MAD1L1: variants seen among roughly 807,000 people sequenced by gnomAD.
MAD1L1 encodes the protein mitotic spindle assembly checkpoint protein MAD1.
Under a neutral mutation model 96.9 loss-of-function variants are expected in MAD1L1, and 95 were observed. The observed-to-expected ratio is 0.98, with a 90% CI of 0.83 to 1.16. The LOEUF (loss-of-function observed/expected upper bound fraction) is 1.16. Among genes scored for constraint, MAD1L1 ranks in the 50% most tolerant of loss-of-function variants. The pLI is 0.00. For synonymous variants in MAD1L1, 473 were observed against 396.6 expected, an observed-to-expected ratio of 1.19 and a Z score of -2.29; for missense variants, 1,007 against 954.4, an observed-to-expected ratio of 1.06 and a Z score of -0.73.
chr7:1,963,835 C>T (rs1436671461), intron 15 of MAD1L1, among the ~76,000 whole-genome samples: 2 of 152,204 alleles, frequency 1.3e-5, no homozygotes, highest in South Asian at 2.1e-4. Context: ...AGGCAGGGAG[C>T]GCCGGCAGGG....
intron 10 of MAD1L1, among the ~76,000 whole-genome samples, chr7:2,211,755 G>A (rs1027790493): frequency 6.6e-6 from 1 of 152,192 alleles, no homozygotes; most frequent in African/African-American, 2.4e-5. Flanking sequence ...AAAATGAAGA[G>A]GCACTTTCAG....
At chr7:2,187,917 A>G (rs150449477) in intron 10 of MAD1L1, among the ~76,000 whole-genome samples, 42 of 152,374 alleles carry the variant, frequency 2.8e-4, no homozygotes, top group Non-Finnish European at 5.4e-4. Context: ...TTTGTTGACA[A>G]TAATAAAACT....
At chr7:1,883,174 C>T (rs1199977876) in intron 18 of MAD1L1, among the ~76,000 whole-genome samples, 1 of 149,572 alleles carries the variant, frequency 6.7e-6, no homozygotes, top group Admixed American at 6.7e-5. Flanking sequence ...CACCAAACCT[C>T]GTGTCACAAA....
intron 15 of MAD1L1, among the ~76,000 whole-genome samples, chr7:1,959,170 T>C (rs559292474): frequency 6.6e-5 from 10 of 152,134 alleles, no homozygotes; most frequent in Non-Finnish European, 1.3e-4. Flanking sequence ...AAGAATCGCT[T>C]GAACCCAGGG....
chr7:2,220,735 G>A (rs906360822), intron 5 of MAD1L1: 19 of 847,216 alleles, frequency 2.2e-5, no homozygotes, highest in Admixed American at 6.1e-5. Context: ...TGGGGGCTGC[G>A]TGCTCCCCAC....
Position 1,944,902 on chromosome 7 carries a change from A to G in MAD1L1, c.1597-8005T>C, listed in dbSNP as rs571744532. Reference sequence around the variant, plus strand: ...AAAGACCCCTGTGAGTCAGCAGCTGACAGGCAGGGGACCGGCTGGCCTGGC... The same window carrying G: ...AAAGACCCCTGTGAGTCAGCAGCTGGCAGGCAGGGGACCGGCTGGCCTGGC... On this transcript the variant is annotated intron_variant, in intron 16 of 18. Transcript: ENST00000265854. Among the ~76,000 whole-genome samples the G allele has an allele frequency of 2.8e-3, 423 of 152,324 alleles. 2 individuals are homozygous for G. The highest frequency in any genetic ancestry group is 9.7e-3 in the African/African-American group (405 of 41,570).
chr7:2,166,510 A>G (rs1251358402), intron 10 of MAD1L1, among the ~76,000 whole-genome samples: 1 of 152,226 alleles, frequency 6.6e-6, no homozygotes, highest in Non-Finnish European at 1.5e-5. Context: ...TTTCAAACAA[A>G]TGCCATAATT....
Position 2,222,754 on chromosome 7 carries a change from G to A in MAD1L1, c.292C>T (p.Arg98Cys), listed in dbSNP as rs771063059. The part of the protein sequence containing the change: ...AASTSARNYE[R>C]EVDRNQELLT... ...AGCTCCTGGTTGCGGTCGACCTCAC[G>A]CTGTTAAGAGAGCAAGAGTCAGATG... Residue 98 changes from arginine to cysteine, a missense_variant and splice_region_variant, in exon 5 of 19, where the codon CGT (arginine) becomes TGT (cysteine). By Grantham distance (180) the Arg-to-Cys change is radical. Coordinates refer to ENST00000265854, the MANE Select transcript of MAD1L1 (RefSeq NM_001013836.2). 6.9e-6 allele frequency: 11 copies of A among 1,589,880 alleles called. No individual in the cohort carries two copies. The highest frequency in any genetic ancestry group is 1.1e-5 in the South Asian group (1 of 89,486).
In MAD1L1 at chr7:2,142,902, C is replaced by T. The variant is rs957041873; in HGVS notation, c.1073+6250G>A. Among the ~76,000 whole-genome samples, 3 of 152,188 alleles carry T rather than the reference C, an allele frequency of 2.0e-5. No homozygotes were observed. The highest frequency in any genetic ancestry group is 1.3e-4 in the Admixed American group (2 of 15,290). ...ACCCACACTGATCCACGGCAAATTC[C>T]GTCACCTTGACCTCCCAGATGCCCC... is the stretch of plus-strand genomic sequence containing the variant. On this transcript the variant is annotated intron_variant, in intron 11 of 18. Transcript: ENST00000265854. The surrounding 1 kb of genome is among the most constrained non-coding windows in gnomAD (Gnocchi z 4.7).
At chr7:2,063,181 C>T (rs142996925) in intron 12 of MAD1L1, among the ~76,000 whole-genome samples, 3 of 152,262 alleles carry the variant, frequency 2.0e-5, no homozygotes, top group East Asian at 1.9e-4. Context: ...ATGATCTTTG[C>T]ACACGCAATG....
At chr7:1,939,756 C>T (rs564539352) in intron 16 of MAD1L1, among the ~76,000 whole-genome samples, 32 of 152,336 alleles carry the variant, frequency 2.1e-4, no homozygotes, top group African/African-American at 6.3e-4. Flanking sequence ...GTGAAGAGAC[C>T]GGGCGCAGTA....
intron 17 of MAD1L1, among the ~76,000 whole-genome samples, chr7:1,903,720 C>A (rs991348462): frequency 1.4e-5 from 2 of 144,302 alleles, no homozygotes; most frequent in Non-Finnish European, 3.0e-5. Context: ...CTGCTCCAGG[C>A]AGCAAGGATG....
intron 17 of MAD1L1, among the ~76,000 whole-genome samples, chr7:1,914,600 C>A (rs1403425970): frequency 6.6e-6 from 1 of 152,142 alleles, no homozygotes; most frequent in Admixed American, 6.5e-5. Context: ...AACCCGAGAT[C>A]ACATCGTGTT....
chr7:1,904,093 C>T (rs12672326), intron 17 of MAD1L1, among the ~76,000 whole-genome samples: 8 of 93,752 alleles, frequency 8.5e-5, no homozygotes, highest in Admixed American at 1.3e-4. Flanking sequence ...CTACTGAAGA[C>T]GCTCTTGCGG....
At chr7:2,149,694 T>C (rs573183943) in intron 10 of MAD1L1, among the ~76,000 whole-genome samples, 4 of 152,332 alleles carry the variant, frequency 2.6e-5, no homozygotes, top group African/African-American at 9.6e-5. Flanking sequence ...CGATTCCAGA[T>C]TGTCTCAGTG....
At position 2,146,424 on chromosome 7, in the gene MAD1L1, C is replaced by T. The variant is rs929973365; in HGVS notation, c.1073+2728G>A. 6.6e-6 allele frequency among the ~76,000 whole-genome samples: 1 copy of T among 152,194 alleles called. No homozygotes were observed. Among genetic ancestry groups the T allele is most frequent in the African/African-American group, 2.4e-5 (1 of 41,434 alleles). On this transcript the variant is annotated intron_variant, in intron 11 of 18. Coordinates refer to ENST00000265854, the MANE Select transcript of MAD1L1 (RefSeq NM_001013836.2). The surrounding 1 kb of genome is among the most constrained non-coding windows in gnomAD (Gnocchi z 6.2). ...GGGCACTGGGCTACGAGGAACAGGG[C>T]AGTGGAGCCGCACCCTGAGAAGCTC...
intron 12 of MAD1L1, among the ~76,000 whole-genome samples, chr7:2,050,138 G>A (rs55740147): frequency 5.4e-4 from 22 of 40,482 alleles, no homozygotes; most frequent in South Asian, 1.6e-3. Flanking sequence ...ACCTCACCCA[G>A]CGTCTGCGGG....
chr7:2,219,607 GA>G (rs2115002621), intron 5 of MAD1L1, 151 bp from the exon 6 acceptor site: 1 of 545,708 alleles, frequency 1.8e-6, no homozygotes, highest in African/African-American at 2.0e-5. Flanking sequence ...TAAGGGGGCA[GA>G]GGGGCATCGG....
At chr7:1,900,365 G>T (rs1184608694) in intron 17 of MAD1L1, among the ~76,000 whole-genome samples, 1 of 152,216 alleles carries the variant, frequency 6.6e-6, no homozygotes, top group Non-Finnish European at 1.5e-5. Context: ...CAGCAGAGGG[G>T]CCCTGGCGCC....
Sources: gnomAD v4.1 joint callset for allele counts (sites outside exome capture counted in the v4.1 genomes callset) on GRCh38, gnomAD v4.1.1 for gene constraint, Gnocchi (gnomAD v3.1) non-coding constraint, MANE v1.5 for transcripts, NCBI Gene and HGNC (gene_info 2026-07-23, HGNC 2026-07-21) for gene names.